STMN2: variants seen among roughly 807,000 people sequenced by gnomAD.
The protein encoded by STMN2 is stathmin-2.
STMN2 carries 2 observed loss-of-function variants against 24.1 expected under a neutral mutation model. The ratio of observed to expected loss-of-function variants is 0.08; its 90% CI spans 0.03 to 0.26. The LOEUF is 0.26. Ranked by LOEUF, STMN2 falls within the 10% of genes least tolerant of loss-of-function variation. The pLI is 1.00. For missense variants in STMN2, 114 were observed against 213.6 expected (o/e 0.53, Z 2.91); for synonymous variants, 83 against 77.5 (o/e 1.07, Z -0.37).
In STMN2 at chr8:79,664,955, G is replaced by A. The variant is rs1282958710; in HGVS notation, c.*81G>A. ...AATGGATCATGCGATATCAGGATGG[G>A]GAATGTATGACATGGTTTAAAAAGA... On this transcript the variant is annotated 3_prime_UTR_variant, in exon 5 of 5. Coordinates refer to ENST00000220876, the MANE Select transcript of STMN2 (RefSeq NM_007029.4). The A allele has an allele frequency of 2.3e-6, 3 of 1,280,268 alleles. No homozygotes were observed. Among genetic ancestry groups the A allele is most frequent in the Admixed American group, 2.3e-5 (1 of 42,896 alleles). 79.3% of individuals were successfully genotyped at this position (1,280,268 alleles called of 1,614,324 possible).
chr8:79,653,855 G>A (rs139718242), intron 3 of STMN2, among the ~76,000 whole-genome samples: 11 of 152,292 alleles, frequency 7.2e-5, no homozygotes, highest in Admixed American at 6.5e-5. Context: ...ACCTAAATAG[G>A]TCAGTATTGG....
chr8:79,665,497 C>T lies in STMN2; in HGVS notation c.*623C>T, dbSNP rs1432140134. The T allele has an allele frequency of 6.5e-6, 1 of 154,370 alleles. No individual in the cohort carries two copies. The highest frequency in any genetic ancestry group is 1.5e-5 in the Non-Finnish European group (1 of 68,226). The allele number at this position is 154,370 out of a possible 1,614,324, so 9.6% of individuals were successfully genotyped here. A position where few individuals can be genotyped will look rare whatever the true frequency, so the allele number is the denominator to read the frequency against. On this transcript the variant is annotated 3_prime_UTR_variant, in exon 5 of 5. Coordinates refer to ENST00000220876, the MANE Select transcript of STMN2 (RefSeq NM_007029.4). ...TCTGCTTCTCCTGGATTATGTGCTA[C>T]AAATGTGCTTTGGCTTTAGAAAGGG...
At position 79,614,486 on chromosome 8, in the gene STMN2, T is replaced by A. The variant is rs185287274; in HGVS notation, c.19+3272T>A. Among the ~76,000 whole-genome samples, 452 of 152,336 alleles carry A rather than the reference T, an allele frequency of 3.0e-3. 2 individuals carry two copies. Among genetic ancestry groups the A allele is most frequent in the Middle Eastern group, 0.01 (3 of 294 alleles). On this transcript the variant is annotated intron_variant, in intron 1 of 4. Coordinates refer to ENST00000220876, the MANE Select transcript of STMN2 (RefSeq NM_007029.4). ...TAGTTTATCAATTAATCTCATGTAT[T>A]TAGTTTATACCAGGTGAGTAAGCTG...
intron 1 of STMN2, among the ~76,000 whole-genome samples, chr8:79,612,071 C>A (rs76848814): frequency 1.8e-5 from 1 of 54,692 alleles, no homozygotes; most frequent in Non-Finnish European, 3.8e-5. Flanking sequence ...CGCAGCCCCG[C>A]CCCCCCGCCC....
Position 79,664,989 on chromosome 8 carries a change from T to TAA in STMN2, c.*127_*128dup, listed in dbSNP as rs879218783. On this transcript the variant is annotated 3_prime_UTR_variant, in exon 5 of 5. Transcript: ENST00000220876. ...GACATGGTTTAAAAAGAACTCATTA[T>TAA]AAAAAAAAAAAAACAAAAAAAATCA... is the stretch of plus-strand genomic sequence containing the variant. The TAA allele has an allele frequency of 2.0e-3, 1,167 of 586,392 alleles. No individual in the cohort carries two copies. The highest frequency in any genetic ancestry group is 2.6e-3 in the East Asian group (52 of 19,628). The allele number at this position is 586,392 out of a possible 1,614,324, so 36.3% of individuals were successfully genotyped here.
Position 79,665,142 on chromosome 8 carries a change from T to G in STMN2, c.*268T>G, listed in dbSNP as rs1806575920. 8.0e-6 allele frequency: 2 copies of G among 250,964 alleles called. No individual in the cohort carries two copies. Among genetic ancestry groups the G allele is most frequent in the African/African-American group, 2.3e-5 (1 of 43,790 alleles). The allele number at this position is 250,964 out of a possible 1,614,324, so 15.5% of individuals were successfully genotyped here. On this transcript the variant is annotated 3_prime_UTR_variant, in exon 5 of 5. Transcript: ENST00000220876. ...AATACAAGTATTGCATTATGCAAGT[T>G]ATTTCATAATCTTACATGTCCTGTA... is the stretch of plus-strand genomic sequence containing the variant.
At chr8:79,613,823 G>T in intron 1 of STMN2, 1 of 985,338 alleles carries the variant, frequency 1.0e-6, no homozygotes, top group Non-Finnish European at 1.2e-6. Flanking sequence ...TTCCTGCCAG[G>T]ATTATGTATG....
chr8:79,626,583 A>G (rs1809659948), intron 1 of STMN2, among the ~76,000 whole-genome samples: 1 of 152,196 alleles, frequency 6.6e-6, no homozygotes. Context: ...TGGCTCCAAC[A>G]TCTCGGCTCT....
At chr8:79,632,044 C>T (rs1019594540) in intron 1 of STMN2, among the ~76,000 whole-genome samples, 2 of 152,080 alleles carry the variant, frequency 1.3e-5, no homozygotes, top group African/African-American at 4.8e-5. Flanking sequence ...TTTTAGAATC[C>T]ATTAGCAGAG....
At chr8:79,655,290 T>C (rs539852487) in intron 4 of STMN2, among the ~76,000 whole-genome samples, 35 of 152,264 alleles carry the variant, frequency 2.3e-4, no homozygotes, top group African/African-American at 7.9e-4. Flanking sequence ...AATTTTCCCA[T>C]GGTGAGTGGA....
At chr8:79,660,096 A>C (rs987847785) in intron 4 of STMN2, among the ~76,000 whole-genome samples, 1 of 152,184 alleles carries the variant, frequency 6.6e-6, no homozygotes, top group Non-Finnish European at 1.5e-5. Context: ...TAACACAACC[A>C]TTTGAGAAGG....
chr8:79,647,614 T>C (rs1194631666), intron 3 of STMN2, among the ~76,000 whole-genome samples: 2 of 152,226 alleles, frequency 1.3e-5, no homozygotes, highest in African/African-American at 4.8e-5. Context: ...GCACTGACCA[T>C]CTGGTTACTA....
chr8:79,625,756 G>A (rs151190477), intron 1 of STMN2, among the ~76,000 whole-genome samples: 5,312 of 152,138 alleles, frequency 0.035, 153 homozygotes, highest in East Asian at 0.16. Context: ...TCAGGAGTTC[G>A]AGACCAGCCT....
chr8:79,650,430 G>A lies in STMN2; in HGVS notation c.289-4441G>A, dbSNP rs148965064. Reference sequence around the variant, plus strand: ...AAGGAAAATGCTGCCACTTTTGTATGTCACATGTTTTTTATTCTACAGCCT... The same window carrying A: ...AAGGAAAATGCTGCCACTTTTGTATATCACATGTTTTTTATTCTACAGCCT... On this transcript the variant is annotated intron_variant, in intron 3 of 4. Coordinates refer to ENST00000220876, the MANE Select transcript of STMN2 (RefSeq NM_007029.4). 1.2e-3 allele frequency among the ~76,000 whole-genome samples: 179 copies of A among 152,246 alleles called. 1 individual carries two copies. In the East Asian group the frequency reaches 0.026, roughly 22 times the overall value.
At chr8:79,633,560 T>A (rs965713755) in intron 1 of STMN2, among the ~76,000 whole-genome samples, 1 of 152,230 alleles carries the variant, frequency 6.6e-6, no homozygotes, top group African/African-American at 2.4e-5. Flanking sequence ...GCCAGAATGA[T>A]CAGATTCTAG....
chr8:79,638,595 T>A (rs1810021408), intron 2 of STMN2, among the ~76,000 whole-genome samples: 1 of 152,208 alleles, frequency 6.6e-6, no homozygotes, highest in Non-Finnish European at 1.5e-5. Flanking sequence ...CAATAAATTA[T>A]TATTATTGTT....
chr8:79,659,108 A>C (rs1289015795), intron 4 of STMN2, among the ~76,000 whole-genome samples: 1 of 152,240 alleles, frequency 6.6e-6, no homozygotes, highest in Admixed American at 6.5e-5. Flanking sequence ...CCAAAGAAGA[A>C]TGTTACACTC....
At chr8:79,663,025 G>C (rs1806533036) in intron 4 of STMN2, among the ~76,000 whole-genome samples, 1 of 152,020 alleles carries the variant, frequency 6.6e-6, no homozygotes, top group South Asian at 2.1e-4. Context: ...ATTTCTCTAT[G>C]CATGCCTCTT....
chr8:79,637,586 C>G (rs1195332616), intron 2 of STMN2, among the ~76,000 whole-genome samples: 1 of 152,164 alleles, frequency 6.6e-6, no homozygotes, highest in Non-Finnish European at 1.5e-5. Flanking sequence ...TAGCATCTTC[C>G]TCTTGGAGTT....
Sources: allele counts gnomAD v4.1 joint callset (sites outside exome capture counted in the v4.1 genomes callset), GRCh38; gene constraint gnomAD v4.1.1; transcripts MANE v1.5; gene names NCBI Gene and HGNC (gene_info 2026-07-23, HGNC 2026-07-21).